Variants in NAALADL2 observed in about 807,000 individuals in gnomAD.
The protein encoded by NAALADL2 is inactive N-acetylated-alpha-linked acidic dipeptidase-like protein 2.
A neutral mutation model predicts 87.2 loss-of-function variants in NAALADL2; 76 were observed. The ratio of observed to expected loss-of-function variants is 0.87; its 90% CI spans 0.72 to 1.05. The LOEUF is 1.05. NAALADL2 is among the 50% of genes least tolerant of loss of function. The pLI is 0.00. For synonymous variants in NAALADL2, 354 were observed against 331.0 expected, an observed-to-expected ratio of 1.07 and a Z score of -0.75; for missense variants, 1,089 against 945.8, an observed-to-expected ratio of 1.15 and a Z score of -1.99.
At chr3:175,101,128 CAT>C (rs1051480864) in intron 2 of NAALADL2, among the ~76,000 whole-genome samples, 1 of 152,170 alleles carries the variant, frequency 6.6e-6, no homozygotes, top group African/African-American at 2.4e-5. Context: ...GCTGAGAATT[CAT>C]CCTGAGTAAA....
intron 1 of NAALADL2, among the ~76,000 whole-genome samples, chr3:174,987,601 A>G (rs1474776619): frequency 1.4e-5 from 2 of 142,360 alleles, no homozygotes; most frequent in East Asian, 2.0e-4. Flanking sequence ...AAAAAAAACA[A>G]TACTCATCAG....
intron 12 of NAALADL2, 30 bp downstream of exon 12, chr3:175,737,429 A>G (rs199647871): frequency 5.3e-6 from 7 of 1,329,932 alleles, no homozygotes; most frequent in East Asian, 2.3e-5. Context: ...TAGTAATTTT[A>G]CCAATGAAAA....
intron 2 of NAALADL2, among the ~76,000 whole-genome samples, chr3:175,147,798 G>A (rs116454456): frequency 0.029 from 4,401 of 152,116 alleles, 93 homozygotes; most frequent in Middle Eastern, 0.065. Flanking sequence ...GGCCAGGCGT[G>A]TTGGCTCACG....
chr3:175,780,470 A>C (rs1750898748), intron 13 of NAALADL2, among the ~76,000 whole-genome samples: 1 of 152,194 alleles, frequency 6.6e-6, no homozygotes, highest in African/African-American at 2.4e-5. Flanking sequence ...AAAAATGTAC[A>C]TAAAAATAGC....
chr3:175,387,790 T>G (rs1384784843), intron 5 of NAALADL2, among the ~76,000 whole-genome samples: 1 of 152,124 alleles, frequency 6.6e-6, no homozygotes, highest in Non-Finnish European at 1.5e-5. Context: ...ATTTCTTTCC[T>G]AAAATCTACA....
chr3:175,250,943 G>T (rs1581122934), intron 3 of NAALADL2, among the ~76,000 whole-genome samples: 1 of 152,076 alleles, frequency 6.6e-6, no homozygotes, highest in African/African-American at 2.4e-5. Flanking sequence ...CAACATCTTT[G>T]TCTGAGTGAT....
intron 3 of NAALADL2, among the ~76,000 whole-genome samples, chr3:174,819,692 A>G (rs1721217784): frequency 1.3e-5 from 2 of 152,158 alleles, no homozygotes; most frequent in Non-Finnish European, 2.9e-5. Flanking sequence ...ACTCTTTCCT[A>G]TAATTTTTGT....
intron 3 of NAALADL2, among the ~76,000 whole-genome samples, chr3:174,774,713 T>C (rs1392461632): frequency 6.6e-6 from 1 of 152,216 alleles, no homozygotes; most frequent in Non-Finnish European, 1.5e-5. Context: ...GACATGCTGT[T>C]GCAGGTACAT....
intron 3 of NAALADL2, among the ~76,000 whole-genome samples, chr3:174,748,705 C>G (rs1734524586): frequency 6.6e-6 from 1 of 152,052 alleles, no homozygotes; most frequent in African/African-American, 2.4e-5. Context: ...ATTTTTGATA[C>G]CAGAGCCACT....
At chr3:174,745,743 A>G (rs1734192725) in intron 3 of NAALADL2, among the ~76,000 whole-genome samples, 1 of 152,306 alleles carries the variant, frequency 6.6e-6, no homozygotes, top group South Asian at 2.1e-4. Context: ...CTTATCCAAT[A>G]CGATCAAGTC....
chr3:174,483,539 A>G (rs1482705086), intron 1 of NAALADL2, among the ~76,000 whole-genome samples: 2 of 152,034 alleles, frequency 1.3e-5, no homozygotes, highest in African/African-American at 2.4e-5. Context: ...TGAGATTTGG[A>G]TGGGGACACA....
intron 2 of NAALADL2, among the ~76,000 whole-genome samples, chr3:174,592,878 G>A (rs551904492): frequency 6.6e-6 from 1 of 151,962 alleles, no homozygotes; most frequent in African/African-American, 2.4e-5. Context: ...ATGTGTTGAA[G>A]TTTGACTTTA....
intron 1 of NAALADL2, among the ~76,000 whole-genome samples, chr3:174,483,988 G>C (rs1049779960): frequency 6.6e-6 from 1 of 152,074 alleles, no homozygotes; most frequent in Non-Finnish European, 1.5e-5. Context: ...ATAGCCAGTA[G>C]AACAGGCTAC....
intron 5 of NAALADL2, among the ~76,000 whole-genome samples, chr3:175,393,100 C>T (rs901439373): frequency 2.6e-5 from 4 of 151,166 alleles, no homozygotes; most frequent in Admixed American, 6.6e-5. Context: ...AGGTGAAACC[C>T]CGTCTCTACT....
intron 9 of NAALADL2, among the ~76,000 whole-genome samples, chr3:175,480,890 C>A (rs1353890754): frequency 6.6e-6 from 1 of 151,816 alleles, no homozygotes; most frequent in East Asian, 1.9e-4. Flanking sequence ...AACATAGCTC[C>A]TTTTATTATC....
chr3:175,272,167 T>C (rs1415648543), intron 4 of NAALADL2, among the ~76,000 whole-genome samples: 1 of 152,192 alleles, frequency 6.6e-6, no homozygotes, highest in Non-Finnish European at 1.5e-5. Flanking sequence ...TAGACATCGA[T>C]GGACTAATTC....
At chr3:174,517,243 A>G (rs1432756761) in intron 1 of NAALADL2, among the ~76,000 whole-genome samples, 1 of 152,042 alleles carries the variant, frequency 6.6e-6, no homozygotes, top group African/African-American at 2.4e-5. Context: ...ACAGATTATT[A>G]AATGTTACAG....
At chr3:175,057,290 C>A (rs1025120665) in intron 1 of NAALADL2, among the ~76,000 whole-genome samples, 2 of 152,052 alleles carry the variant, frequency 1.3e-5, no homozygotes, top group Non-Finnish European at 2.9e-5. Flanking sequence ...GACAAACGTG[C>A]CTGAAATAAC....
chr3:174,606,060 G>T lies in NAALADL2; in HGVS notation c.-115+55423G>T, dbSNP rs543919794. Among the ~76,000 whole-genome samples, 11 of 152,290 alleles carry T rather than the reference G, an allele frequency of 7.2e-5. No homozygotes were observed. The South Asian group carries it at 1.5e-3, about 20-fold the overall frequency. ...CCGCTGCTGATACCCAGGCAAACAG[G>T]GTCTGGAGTGGACCTCTAGCAAACT... On this transcript the variant is annotated intron_variant, in intron 2 of 3. Transcript: ENST00000434257.
Sources: gnomAD v4.1 joint callset for allele counts (sites outside exome capture counted in the v4.1 genomes callset) on GRCh38, gnomAD v4.1.1 for gene constraint, MANE v1.5 for transcripts, NCBI Gene and HGNC (gene_info 2026-07-23, HGNC 2026-07-21) for gene names.